The following SLC14A2 variants were observed in gnomAD, a reference collection of about 807,000 sequenced individuals.
SLC14A2 encodes the protein urea transporter 2.
Under a neutral mutation model 104.6 loss-of-function variants are expected in SLC14A2, and 91 were observed. The ratio of observed to expected loss-of-function variants is 0.87; its 90% CI spans 0.73 to 1.04. SLC14A2 has a LOEUF of 1.04. Ranked by LOEUF, SLC14A2 falls within the 50% of genes least tolerant of loss-of-function variation. The probability of loss-of-function intolerance (pLI) is 0.00; values close to 1 mark genes in which losing one functional copy is unlikely to be tolerated. For synonymous variants in SLC14A2, 476 were observed against 466.4 expected (o/e 1.02, Z -0.27); for missense variants, 1,189 against 1,156.0 (o/e 1.03, Z -0.41).
At chr18:45,287,503 T>C (rs2084826531) in intron 1 of SLC14A2, among the ~76,000 whole-genome samples, 1 of 152,160 alleles carries the variant, frequency 6.6e-6, no homozygotes, top group Non-Finnish European at 1.5e-5. Context: ...GGGGAGTTCA[T>C]GGGGACAGGG....
At chr18:45,519,122 T>TA (rs887283970) in intron 2 of SLC14A2, among the ~76,000 whole-genome samples, 1 of 152,186 alleles carries the variant, frequency 6.6e-6, no homozygotes, top group South Asian at 2.1e-4. Flanking sequence ...ATAATCATTT[T>TA]AAAAAATCCT....
At chr18:45,536,344 C>T (rs1227949885) in intron 2 of SLC14A2, among the ~76,000 whole-genome samples, 2 of 152,206 alleles carry the variant, frequency 1.3e-5, no homozygotes, top group South Asian at 2.1e-4. Flanking sequence ...GAAATTTATC[C>T]TTTCACAGTT....
the SLC14A2 span, among the ~76,000 whole-genome samples, chr18:45,200,318 C>T: frequency 6.6e-5 from 10 of 152,166 alleles, no homozygotes; most frequent in African/African-American, 1.9e-4. Context: ...GCCTTAAATA[C>T]ATTCAACATG....
At chr18:45,344,724 A>T (rs551990986) in intron 1 of SLC14A2, among the ~76,000 whole-genome samples, 1 of 152,156 alleles carries the variant, frequency 6.6e-6, no homozygotes, top group East Asian at 1.9e-4. Flanking sequence ...CAAAAGATGA[A>T]CCATTAAGCC....
intron 2 of SLC14A2, among the ~76,000 whole-genome samples, chr18:45,561,342 T>C (rs1450201899): frequency 1.3e-5 from 2 of 152,142 alleles, no homozygotes; most frequent in Non-Finnish European, 2.9e-5. Flanking sequence ...TTCCCTATAG[T>C]CCCACTTAGT....
chr18:45,327,568 C>A (rs1214080780), intron 1 of SLC14A2, among the ~76,000 whole-genome samples: 1 of 152,200 alleles, frequency 6.6e-6, no homozygotes, highest in Admixed American at 6.5e-5. Flanking sequence ...CTGGTACCCT[C>A]TATTCTACCT....
At chr18:45,595,186 G>A (rs1323501231) in intron 2 of SLC14A2, among the ~76,000 whole-genome samples, 2 of 152,054 alleles carry the variant, frequency 1.3e-5, no homozygotes, top group Admixed American at 6.6e-5. Flanking sequence ...CACCCTTTCT[G>A]TGTGTTTGCA....
At chr18:45,246,464 GTTAGTA>G (rs1428449524) in intron 1 of SLC14A2, among the ~76,000 whole-genome samples, 11 of 152,272 alleles carry the variant, frequency 7.2e-5, no homozygotes, top group South Asian at 2.1e-4. Context: ...ATAGTGTATT[GTTAGTA>G]TTAGTATCTT....
At chr18:45,217,372 C>T (rs563646074) in intron 1 of SLC14A2, among the ~76,000 whole-genome samples, 2 of 150,350 alleles carry the variant, frequency 1.3e-5, no homozygotes, top group South Asian at 2.1e-4. Context: ...TATATATATG[C>T]CAAGTTACAA....
At chr18:45,518,287 T>G (rs548693731) in intron 2 of SLC14A2, among the ~76,000 whole-genome samples, 2 of 152,330 alleles carry the variant, frequency 1.3e-5, no homozygotes, top group Non-Finnish European at 2.9e-5. Flanking sequence ...TTCATACCAT[T>G]AAATACTATG....
At chr18:45,303,792 C>T (rs918874136) in intron 1 of SLC14A2, among the ~76,000 whole-genome samples, 8 of 152,034 alleles carry the variant, frequency 5.3e-5, no homozygotes, top group Non-Finnish European at 1.0e-4. Flanking sequence ...TTTTTCCTTC[C>T]ATTTGAGCAA....
At chr18:45,568,315 C>T (rs1253906857) in intron 2 of SLC14A2, among the ~76,000 whole-genome samples, 1 of 152,234 alleles carries the variant, frequency 6.6e-6, no homozygotes, top group Non-Finnish European at 1.5e-5. Context: ...CCAGTGTGTC[C>T]CTACCTCATG....
chr18:45,589,651 A>G (rs999661874), intron 2 of SLC14A2, among the ~76,000 whole-genome samples: 2 of 152,214 alleles, frequency 1.3e-5, no homozygotes, highest in East Asian at 3.8e-4. Context: ...GCAGGGCTTC[A>G]GCCTCCCGCT....
At chr18:45,621,108 G>T (rs1452982724) in intron 1 of SLC14A2, among the ~76,000 whole-genome samples, 1 of 152,180 alleles carries the variant, frequency 6.6e-6, no homozygotes, top group Admixed American at 6.5e-5. Flanking sequence ...TGGTTGGCTT[G>T]GAGGGAAATT....
intron 1 of SLC14A2, among the ~76,000 whole-genome samples, chr18:45,435,596 G>A (rs991349248): frequency 2.6e-4 from 40 of 152,050 alleles, no homozygotes; most frequent in African/African-American, 8.7e-4. Context: ...AAGAATAATA[G>A]CACTGATGGA....
chr18:45,614,615 T>C (rs1401967812), upstream of SLC14A2, among the ~76,000 whole-genome samples: 1 of 152,186 alleles, frequency 6.6e-6, no homozygotes, highest in Non-Finnish European at 1.5e-5. Context: ...GACCTGGATA[T>C]GAGACATGGA....
chr18:45,643,217 G>A, intron 9 of SLC14A2, 36 bp downstream of exon 9: 2 of 1,588,634 alleles, frequency 1.3e-6, no homozygotes. Flanking sequence ...ACCCCAAAGT[G>A]CTCTTCCCAG....
At chr18:45,297,873 G>T (rs1260777344) in intron 1 of SLC14A2, among the ~76,000 whole-genome samples, 1 of 152,146 alleles carries the variant, frequency 6.6e-6, no homozygotes, top group Non-Finnish European at 1.5e-5. Flanking sequence ...TGGCTGCTGG[G>T]TATGGGCATC....
chr18:45,521,508 G>T (rs1396238313), intron 2 of SLC14A2, among the ~76,000 whole-genome samples: 1 of 152,152 alleles, frequency 6.6e-6, no homozygotes, highest in Non-Finnish European at 1.5e-5. Context: ...AAAATTGAGA[G>T]AAGCCAGAAA....
Sources: gnomAD v4.1 joint callset for allele counts (sites outside exome capture counted in the v4.1 genomes callset) on GRCh38, gnomAD v4.1.1 for gene constraint, MANE v1.5 for transcripts, NCBI Gene and HGNC (gene_info 2026-07-23, HGNC 2026-07-21) for gene names.